The following GPHN variants were observed in gnomAD, a reference collection of about 807,000 sequenced individuals.
GPHN encodes gephyrin.
GPHN carries 17 observed loss-of-function variants against 95.5 expected under a neutral mutation model. The observed-to-expected ratio is 0.18, with a 90% CI of 0.12 to 0.27. The LOEUF is 0.27. Among genes scored for constraint, GPHN ranks in the 10% least tolerant of loss-of-function variants. The probability of loss-of-function intolerance (pLI) is 1.00; values close to 1 mark genes in which losing one functional copy is unlikely to be tolerated. For missense variants in GPHN, 660 were observed against 978.1 expected, an observed-to-expected ratio of 0.67 and a Z score of 4.34; for synonymous variants, 320 against 322.5, an observed-to-expected ratio of 0.99 and a Z score of 0.08.
chr14:66,894,165 T>C (rs1161412347), intron 5 of GPHN, among the ~76,000 whole-genome samples: 1 of 152,036 alleles, frequency 6.6e-6, no homozygotes, highest in East Asian at 1.9e-4. Flanking sequence ...AAAACAGAGA[T>C]ATAGACCACT....
chr14:66,803,740 A>G (rs1244233671), intron 3 of GPHN, among the ~76,000 whole-genome samples: 2 of 147,008 alleles, frequency 1.4e-5, no homozygotes, highest in Non-Finnish European at 3.0e-5. Context: ...AGGTTTTTTT[A>G]TTGTTGTTGA....
chr14:67,714,156 G>A, the GPHN span, among the ~76,000 whole-genome samples: 7 of 152,130 alleles, frequency 4.6e-5, no homozygotes, highest in Non-Finnish European at 1.0e-4. Context: ...TTACTTTTGA[G>A]ACAGGGTCTT....
chr14:67,691,845 T>C, the GPHN span: 1 of 153,742 alleles, frequency 6.5e-6, no homozygotes, highest in Non-Finnish European at 1.4e-5. Context: ...TAATTTTCCA[T>C]AGAGTATTAC....
chr14:66,557,898 A>T (rs769157811), intron 1 of GPHN, among the ~76,000 whole-genome samples: 1 of 152,144 alleles, frequency 6.6e-6, no homozygotes, highest in Non-Finnish European at 1.5e-5. Flanking sequence ...AATTATGATA[A>T]CCTTCTTGCC....
chr14:67,355,841 A>T, the GPHN span, among the ~76,000 whole-genome samples: 7 of 151,982 alleles, frequency 4.6e-5, no homozygotes, highest in Non-Finnish European at 1.0e-4. Context: ...AAAAAAAAAA[A>T]ATATCAAAAT....
At chr14:66,764,921 A>T (rs2058905673) in intron 2 of GPHN, among the ~76,000 whole-genome samples, 2 of 152,176 alleles carry the variant, frequency 1.3e-5, no homozygotes, top group Non-Finnish European at 2.9e-5. Context: ...AAAAAAGAAG[A>T]TAATCATATT....
chr14:67,392,296 A>C, the GPHN span: 1 of 1,385,522 alleles, frequency 7.2e-7, no homozygotes, highest in Non-Finnish European at 1.0e-6. Flanking sequence ...AGAACTGTCC[A>C]TCTCTCTTCC....
intron 10 of GPHN, among the ~76,000 whole-genome samples, chr14:67,036,238 G>A (rs1028927319): frequency 6.6e-6 from 1 of 150,568 alleles, no homozygotes; most frequent in Non-Finnish European, 1.5e-5. Context: ...TATAATAAAG[G>A]TCATTTATGA....
At chr14:67,520,012 C>T in the GPHN span, among the ~76,000 whole-genome samples, 1 of 152,306 alleles carries the variant, frequency 6.6e-6, no homozygotes, top group South Asian at 2.1e-4. Context: ...CGTGAGCCAC[C>T]ATGCCTGACC....
At chr14:67,562,585 T>C in the GPHN span, 1 of 1,612,800 alleles carries the variant, frequency 6.2e-7, no homozygotes, top group South Asian at 1.1e-5. Context: ...TGCGGGCTCC[T>C]GGCACCCCGC....
At chr14:66,868,669 C>T (rs1244607046) in intron 4 of GPHN, among the ~76,000 whole-genome samples, 1 of 152,198 alleles carries the variant, frequency 6.6e-6, no homozygotes, top group African/African-American at 2.4e-5. Flanking sequence ...GCTGGAATTA[C>T]AGGCATGAGC....
intron 8 of GPHN, among the ~76,000 whole-genome samples, chr14:66,927,717 T>C (rs1048144627): frequency 7.2e-5 from 11 of 152,184 alleles, no homozygotes; most frequent in African/African-American, 2.7e-4. Flanking sequence ...ACGTTCCTTC[T>C]ATACCCAGTT....
At chr14:67,379,952 T>C in the GPHN span, among the ~76,000 whole-genome samples, 2 of 152,150 alleles carry the variant, frequency 1.3e-5, no homozygotes, top group African/African-American at 4.8e-5. Flanking sequence ...ATGGAGGTCT[T>C]GCTATGTTGC....
At chr14:67,700,789 C>G in the GPHN span, among the ~76,000 whole-genome samples, 1 of 150,682 alleles carries the variant, frequency 6.6e-6, no homozygotes, top group East Asian at 2.0e-4. Context: ...CTTCGGGAGG[C>G]CGAGGCGGGT....
the GPHN span, among the ~76,000 whole-genome samples, chr14:67,457,221 C>G: frequency 4.3e-3 from 662 of 152,188 alleles, 4 homozygotes; most frequent in African/African-American, 0.015. Context: ...TACGCCAAAC[C>G]CTCAGACACT....
At chr14:66,582,630 C>G (rs1484279652) in intron 1 of GPHN, among the ~76,000 whole-genome samples, 1 of 151,540 alleles carries the variant, frequency 6.6e-6, no homozygotes, top group Non-Finnish European at 1.5e-5. Context: ...TGAGAACATG[C>G]AGTGTTTGGT....
intron 18 of GPHN, among the ~76,000 whole-genome samples, chr14:67,152,273 AC>A: frequency 6.6e-6 from 1 of 152,228 alleles, no homozygotes; most frequent in Non-Finnish European, 1.5e-5. Context: ...CATCTGTGCT[AC>A]ACTTGCCATA....
intron 10 of GPHN, among the ~76,000 whole-genome samples, chr14:67,032,999 G>A (rs7149905): frequency 0.34 from 51,234 of 152,076 alleles, 14,027 homozygotes; most frequent in African/African-American, 0.74. Flanking sequence ...ACTGATCTAA[G>A]AGAGAACACA....
At chr14:66,675,198 G>A (rs1430949188) in intron 1 of GPHN, among the ~76,000 whole-genome samples, 1 of 146,494 alleles carries the variant, frequency 6.8e-6, no homozygotes, top group African/African-American at 2.6e-5. Flanking sequence ...TGCTGAAGTC[G>A]AATGGCACGA....
Sources: allele counts gnomAD v4.1 joint callset (sites outside exome capture counted in the v4.1 genomes callset), GRCh38; gene constraint gnomAD v4.1.1; transcripts MANE v1.5; gene names NCBI Gene and HGNC (gene_info 2026-07-23, HGNC 2026-07-21).